Variants in TFAP2D observed in about 807,000 individuals in gnomAD.
The protein encoded by TFAP2D is transcription factor AP-2 delta.
In TFAP2D, 9 loss-of-function variants were observed where a neutral mutation model predicts 43.6. That is an observed-to-expected ratio of 0.21 (90% CI 0.12 to 0.36). The LOEUF is 0.36. Ranked by LOEUF, TFAP2D falls within the 10% of genes least tolerant of loss-of-function variation. TFAP2D has a pLI of 1.00. For synonymous variants in TFAP2D, 256 were observed against 224.9 expected, an observed-to-expected ratio of 1.14 and a Z score of -1.24; for missense variants, 513 against 561.4, an observed-to-expected ratio of 0.91 and a Z score of 0.87.
chr6:50,739,144 C>T (rs544746279), intron 5 of TFAP2D, among the ~76,000 whole-genome samples: 2 of 152,234 alleles, frequency 1.3e-5, no homozygotes, highest in East Asian at 1.9e-4. Context: ...CATATGTATA[C>T]ATGTGCCATG....
chr6:50,769,761 A>C (rs1274772554), intron 7 of TFAP2D, among the ~76,000 whole-genome samples: 1 of 152,234 alleles, frequency 6.6e-6, no homozygotes, highest in Non-Finnish European at 1.5e-5. Context: ...ACATAAGTAC[A>C]GAATATCCAA....
intron 6 of TFAP2D, among the ~76,000 whole-genome samples, chr6:50,749,660 CTTAGA>C (rs1162046259): frequency 6.6e-6 from 1 of 151,810 alleles, no homozygotes; most frequent in East Asian, 1.9e-4. Flanking sequence ...GCACCAAACA[CTTAGA>C]TTAAGTTGCA....
At position 50,772,831 on chromosome 6, in the gene TFAP2D, C is replaced by A; in HGVS notation, c.1326C>A (p.Ala442=). The A allele has an allele frequency of 6.2e-7, 1 of 1,613,740 alleles. No homozygotes were observed. Among genetic ancestry groups the A allele is most frequent in the Non-Finnish European group, 8.5e-7 (1 of 1,179,880 alleles). The change falls in exon 8 of 8, where the codon GCC becomes GCA. Residue 442 remains alanine, a synonymous_variant. Coordinates refer to ENST00000008391, the MANE Select transcript of TFAP2D (RefSeq NM_172238.4). ...CCCTGCGGAAAACTTCAGAGGCTGC[C>A]GTGAAAGAGGGCAAAACAGAAAAGA... The part of the protein sequence containing the change: ...KAPLRKTSEA[A]VKEGKTEKTD
intron 7 of TFAP2D, 116 bp downstream of exon 7, chr6:50,751,440 T>G (rs1055184675): frequency 2.9e-6 from 2 of 678,784 alleles, no homozygotes; most frequent in African/African-American, 3.7e-5. Context: ...GTCCTAGTCC[T>G]TTCAGATGGG....
intron 2 of TFAP2D, among the ~76,000 whole-genome samples, chr6:50,718,392 T>C (rs1236346975): frequency 2.0e-5 from 3 of 152,152 alleles, no homozygotes; most frequent in Admixed American, 1.3e-4. Flanking sequence ...ACCTCGTTTG[T>C]TTGTAAAGGA....
At chr6:50,716,895 T>G (rs1452389279) in intron 2 of TFAP2D, among the ~76,000 whole-genome samples, 2 of 152,184 alleles carry the variant, frequency 1.3e-5, no homozygotes, top group Non-Finnish European at 2.9e-5. Flanking sequence ...ATTTTTAAAT[T>G]AAAGTGAAAG....
intron 6 of TFAP2D, among the ~76,000 whole-genome samples, chr6:50,748,527 A>G (rs1015266350): frequency 3.3e-5 from 5 of 151,900 alleles, no homozygotes; most frequent in Admixed American, 6.6e-5. Flanking sequence ...TGCCAAGTAT[A>G]CAATTGTATA....
chr6:50,755,850 C>T (rs1024209116), intron 7 of TFAP2D, among the ~76,000 whole-genome samples: 1 of 151,830 alleles, frequency 6.6e-6, no homozygotes, highest in Non-Finnish European at 1.5e-5. Flanking sequence ...TCTGGGTAAA[C>T]ATGTGTTAGC....
At chr6:50,746,746 A>C (rs964238468) in intron 6 of TFAP2D, among the ~76,000 whole-genome samples, 1 of 152,202 alleles carries the variant, frequency 6.6e-6, no homozygotes, top group African/African-American at 2.4e-5. Flanking sequence ...TAAGGAGTAT[A>C]TGGGATACTT....
rs1186691359 is a variant in TFAP2D at position 50,729,030 on chromosome 6, A to G, written c.764+9A>G. ...GGAGGCATTTTGAGAAGGTAAGACAAAGCTATATTCTGGCACAGAATTTCT... is the reference window on the plus strand; with the variant it reads ...GGAGGCATTTTGAGAAGGTAAGACAGAGCTATATTCTGGCACAGAATTTCT... On this transcript the variant is annotated intron_variant, in intron 4 of 7. Coordinates refer to ENST00000008391, the MANE Select transcript of TFAP2D (RefSeq NM_172238.4). 2 of 1,613,156 alleles carry G rather than the reference A, an allele frequency of 1.2e-6. No individual in the cohort carries two copies. The highest frequency in any genetic ancestry group is 2.2e-5 in the East Asian group (1 of 44,890).
intron 2 of TFAP2D, among the ~76,000 whole-genome samples, chr6:50,718,544 G>A (rs780417307): frequency 1.8e-4 from 27 of 152,318 alleles, no homozygotes; most frequent in Non-Finnish European, 2.6e-4. Flanking sequence ...GGACTTTGAA[G>A]GCCTACAGTG....
intron 5 of TFAP2D, among the ~76,000 whole-genome samples, chr6:50,741,740 A>G (rs1315840363): frequency 6.6e-6 from 1 of 152,024 alleles, no homozygotes; most frequent in Non-Finnish European, 1.5e-5. Context: ...AATACATTGA[A>G]ATAAAGGGAT....
intron 7 of TFAP2D, among the ~76,000 whole-genome samples, chr6:50,761,479 C>A (rs1027949772): frequency 1.3e-5 from 2 of 151,896 alleles, no homozygotes; most frequent in Non-Finnish European, 2.9e-5. Context: ...TCTTCAGTGA[C>A]AAATACTAAA....
intron 3 of TFAP2D, among the ~76,000 whole-genome samples, chr6:50,727,612 C>CA (rs1768827511): frequency 6.6e-6 from 1 of 152,144 alleles, no homozygotes; most frequent in African/African-American, 2.4e-5. Context: ...ATATTTTAGA[C>CA]AACACTCTTC....
At chr6:50,756,449 G>C (rs746515810) in intron 7 of TFAP2D, among the ~76,000 whole-genome samples, 30 of 152,042 alleles carry the variant, frequency 2.0e-4, no homozygotes, top group Non-Finnish European at 3.7e-4. Flanking sequence ...CCACTTAAAA[G>C]TATACCTTAT....
chr6:50,770,255 T>C (rs1006715124), intron 7 of TFAP2D, among the ~76,000 whole-genome samples: 2 of 152,180 alleles, frequency 1.3e-5, no homozygotes, highest in Non-Finnish European at 1.5e-5. Flanking sequence ...ATTGTAGAAA[T>C]AGAGCTTAAA....
intron 7 of TFAP2D, among the ~76,000 whole-genome samples, chr6:50,766,794 G>A (rs1419249408): frequency 5.3e-4 from 79 of 147,682 alleles, no homozygotes; most frequent in Non-Finnish European, 8.0e-4. Context: ...TCAGCCTCCC[G>A]AGTAGCTGGG....
rs151127853 is a variant in TFAP2D, at chr6:50,713,714, T to C, written c.-342T>C. 6.4e-4 allele frequency: 229 copies of C among 355,464 alleles called. 1 individual carries two copies. The East Asian group carries it at 0.013, about 20-fold the overall frequency. 22.0% of individuals were successfully genotyped at this position (355,464 alleles called of 1,614,324 possible). ...CTTGTCTCCTGGGATAAATCTCTTCTGCCTATTGTCCTCCCAGTTCTCAGT... is the reference window on the plus strand; with the variant it reads ...CTTGTCTCCTGGGATAAATCTCTTCCGCCTATTGTCCTCCCAGTTCTCAGT... On this transcript the variant is annotated 5_prime_UTR_variant, in exon 1 of 8. Coordinates refer to ENST00000008391, the MANE Select transcript of TFAP2D (RefSeq NM_172238.4).
chr6:50,714,431 G>A (rs1277650054), intron 1 of TFAP2D, among the ~76,000 whole-genome samples: 1 of 152,018 alleles, frequency 6.6e-6, no homozygotes, highest in Non-Finnish European at 1.5e-5. Flanking sequence ...AAAAGGGACT[G>A]GTGGGGAAGC....
Sources: allele counts gnomAD v4.1 joint callset (sites outside exome capture counted in the v4.1 genomes callset), GRCh38; gene constraint gnomAD v4.1.1; transcripts MANE v1.5; gene names NCBI Gene and HGNC (gene_info 2026-07-23, HGNC 2026-07-21).